The following LRRC4C variants were observed in gnomAD, a reference collection of about 807,000 sequenced individuals.
The protein encoded by LRRC4C is leucine-rich repeat-containing protein 4C.
LRRC4C carries 5 observed loss-of-function variants against 33.6 expected under a neutral mutation model. That is an observed-to-expected ratio of 0.15 (90% CI 0.08 to 0.31). LRRC4C has a LOEUF of 0.31. Among genes scored for constraint, LRRC4C ranks in the 10% least tolerant of loss-of-function variants. The pLI, the probability that LRRC4C is intolerant of heterozygous loss-of-function variation, is 1.00. For missense variants in LRRC4C, 560 were observed against 796.7 expected (o/e 0.70, Z 3.58); for synonymous variants, 329 against 302.0 (o/e 1.09, Z -0.93).
At chr11:41,047,141 A>G (rs570227101) in intron 1 of LRRC4C, among the ~76,000 whole-genome samples, 77 of 152,260 alleles carry the variant, frequency 5.1e-4, no homozygotes, top group Middle Eastern at 3.4e-3. Flanking sequence ...AAGTCCAAAT[A>G]TATATTAAAA....
intron 1 of LRRC4C, among the ~76,000 whole-genome samples, chr11:41,357,667 C>T (rs1203005731): frequency 3.3e-5 from 5 of 151,880 alleles, no homozygotes; most frequent in East Asian, 1.9e-4. Context: ...ACAGATAAAT[C>T]GTGAACATTT....
chr11:41,241,145 T>TA (rs771346491), intron 1 of LRRC4C, among the ~76,000 whole-genome samples: 4 of 152,138 alleles, frequency 2.6e-5, no homozygotes, highest in Non-Finnish European at 4.4e-5. Context: ...TATCTCCTTT[T>TA]AAAATGAGAA....
chr11:41,362,920 TCTC>T (rs1437269497), intron 1 of LRRC4C, among the ~76,000 whole-genome samples: 4 of 152,134 alleles, frequency 2.6e-5, no homozygotes, highest in Non-Finnish European at 5.9e-5. Context: ...TGCAGTATAA[TCTC>T]CTCATCTCAA....
At chr11:40,700,580 G>A (rs1231863571) in intron 2 of LRRC4C, among the ~76,000 whole-genome samples, 3 of 152,124 alleles carry the variant, frequency 2.0e-5, no homozygotes, top group Non-Finnish European at 2.9e-5. Context: ...ATGTGGTGCA[G>A]GGAGACTCTG....
intron 5 of LRRC4C, among the ~76,000 whole-genome samples, chr11:40,213,447 T>C (rs1376535039): frequency 2.0e-5 from 3 of 152,104 alleles, no homozygotes; most frequent in South Asian, 4.1e-4. Flanking sequence ...AAACAGCAGA[T>C]TGGAGTCAAG....
intron 3 of LRRC4C, among the ~76,000 whole-genome samples, chr11:40,562,110 C>T (rs575813356): frequency 2.0e-5 from 3 of 152,204 alleles, no homozygotes; most frequent in East Asian, 1.9e-4. Context: ...ATTTCCAAAC[C>T]GTGAAGATTT....
rs779872705 is a variant in LRRC4C at position 40,709,623 on chromosome 11, T to C, written c.-406-61345A>G. ...TTGTGGGAAACTCGACTTTTCTCTC[T>C]GGCTGCCCTTAATATTTTTTCCTTC... On this transcript the variant is annotated intron_variant, in intron 2 of 6. Transcript: ENST00000528697. Among the ~76,000 whole-genome samples the C allele has an allele frequency of 1.1e-3, 161 of 152,166 alleles. 3 individuals carry two copies. The highest frequency in any genetic ancestry group is 3.8e-4 in the Non-Finnish European group (26 of 68,024).
chr11:41,220,617 G>A (rs1343446835), intron 1 of LRRC4C, among the ~76,000 whole-genome samples: 1 of 150,480 alleles, frequency 6.6e-6, no homozygotes, highest in East Asian at 1.9e-4. Context: ...ATTTTACTTA[G>A]AATATATTGT....
chr11:40,379,000 C>A (rs1048581935), intron 3 of LRRC4C, among the ~76,000 whole-genome samples: 20 of 152,014 alleles, frequency 1.3e-4, no homozygotes, highest in Non-Finnish European at 1.9e-4. Flanking sequence ...GGATAATTAA[C>A]CTTCAAACAA....
chr11:40,891,025 C>T (rs1955683800), intron 2 of LRRC4C, among the ~76,000 whole-genome samples: 1 of 151,958 alleles, frequency 6.6e-6, no homozygotes, highest in Admixed American at 6.6e-5. Context: ...GGGAGATCAC[C>T]TGAGGTCAGC....
intron 1 of LRRC4C, among the ~76,000 whole-genome samples, chr11:41,142,730 A>T (rs80156770): frequency 0.048 from 7,238 of 152,272 alleles, 268 homozygotes; most frequent in African/African-American, 0.1. Context: ...AATCAATGAA[A>T]GTGCTCTATG....
intron 2 of LRRC4C, among the ~76,000 whole-genome samples, chr11:40,694,944 C>CT (rs1034232939): frequency 2.6e-4 from 40 of 151,278 alleles, no homozygotes; most frequent in African/African-American, 3.4e-4. Context: ...CCGTTTGTTT[C>CT]TTTTTTTTTC....
chr11:40,425,376 G>T (rs1246547652), intron 3 of LRRC4C, among the ~76,000 whole-genome samples: 2 of 152,190 alleles, frequency 1.3e-5, no homozygotes, highest in Non-Finnish European at 2.9e-5. Flanking sequence ...ACACTGAGAT[G>T]AATAGAAAGG....
At chr11:41,111,103 T>C (rs117836627) in intron 1 of LRRC4C, among the ~76,000 whole-genome samples, 1 of 152,066 alleles carries the variant, frequency 6.6e-6, no homozygotes, top group Non-Finnish European at 1.5e-5. Context: ...CACTAATAGA[T>C]GAGAAAGGCA....
intron 3 of LRRC4C, among the ~76,000 whole-genome samples, chr11:40,349,978 A>T (rs1330328203): frequency 1.3e-5 from 2 of 152,046 alleles, no homozygotes; most frequent in East Asian, 3.9e-4. Flanking sequence ...CTCCTTATAT[A>T]TTCTGGTTAT....
chr11:40,866,284 A>G (rs1954365912), intron 2 of LRRC4C, among the ~76,000 whole-genome samples: 1 of 152,164 alleles, frequency 6.6e-6, no homozygotes. Flanking sequence ...GAGGAAATAC[A>G]GAAAAGATAT....
intron 1 of LRRC4C, among the ~76,000 whole-genome samples, chr11:41,366,913 T>A (rs1952565697): frequency 6.6e-6 from 1 of 152,172 alleles, no homozygotes; most frequent in Non-Finnish European, 1.5e-5. Flanking sequence ...TCAAGGCAGT[T>A]CTAGCAAACT....
chr11:40,971,266 T>C (rs1042860655), intron 1 of LRRC4C, among the ~76,000 whole-genome samples: 7 of 152,204 alleles, frequency 4.6e-5, no homozygotes, highest in Non-Finnish European at 8.8e-5. Context: ...GTTATGGTGG[T>C]CCAGGCCCAG....
intron 6 of LRRC4C, among the ~76,000 whole-genome samples, chr11:40,139,650 G>A (rs926378692): frequency 6.6e-6 from 1 of 152,158 alleles, no homozygotes; most frequent in African/African-American, 2.4e-5. Flanking sequence ...CAAGGTCACA[G>A]CATATTTTCA....
Sources: gnomAD v4.1 joint callset for allele counts (sites outside exome capture counted in the v4.1 genomes callset) on GRCh38, gnomAD v4.1.1 for gene constraint, MANE v1.5 for transcripts, NCBI Gene and HGNC (gene_info 2026-07-23, HGNC 2026-07-21) for gene names.